Variants in MPHOSPH6 observed in about 807,000 individuals in gnomAD.
The protein encoded by MPHOSPH6 is M-phase phosphoprotein 6.
In MPHOSPH6, 25 loss-of-function variants were observed where a neutral mutation model predicts 21.8. The observed-to-expected ratio is 1.15, with a 90% CI of 0.83 to 1.60. The LOEUF (loss-of-function observed/expected upper bound fraction) is 1.60. MPHOSPH6 is among the 40% of genes most tolerant of loss of function. The pLI is 0.00. For synonymous variants in MPHOSPH6, 84 were observed against 56.5 expected (o/e 1.49, Z -2.18); for missense variants, 269 against 181.8 (o/e 1.48, Z -2.76).
chr16:82,150,432 T>C (rs6564986), intron 3 of MPHOSPH6, among the ~76,000 whole-genome samples: 6,818 of 152,206 alleles, frequency 0.045, 520 homozygotes, highest in African/African-American at 0.15. Flanking sequence ...ACTTCTAACA[T>C]AACACCTTAA....
At chr16:82,161,123 G>A (rs549316837) in intron 2 of MPHOSPH6, among the ~76,000 whole-genome samples, 2 of 152,310 alleles carry the variant, frequency 1.3e-5, no homozygotes, top group South Asian at 2.1e-4. Flanking sequence ...GGTTCAACCA[G>A]TTCTTCGGTA....
chr16:82,153,643 A>G (rs1906338549), intron 2 of MPHOSPH6, among the ~76,000 whole-genome samples: 1 of 152,228 alleles, frequency 6.6e-6, no homozygotes, highest in African/African-American at 2.4e-5. Context: ...CAGGACCTGC[A>G]TACTGGGTTC....
intron 2 of MPHOSPH6, among the ~76,000 whole-genome samples, chr16:82,158,468 C>T (rs570653704): frequency 7.2e-6 from 1 of 138,794 alleles, no homozygotes; most frequent in Non-Finnish European, 1.5e-5. Context: ...CACTGCACTC[C>T]AGCCTGGGTG....
chr16:82,163,994 T>G (rs574136064), intron 2 of MPHOSPH6, 88 bp downstream of exon 2: 160 of 818,824 alleles, frequency 2.0e-4, no homozygotes, highest in Non-Finnish European at 2.9e-4. Flanking sequence ...TTCATGGGCT[T>G]TATGTCACCG....
At chr16:82,169,739 C>G (rs534602466) in intron 1 of MPHOSPH6, among the ~76,000 whole-genome samples, 1 of 152,212 alleles carries the variant, frequency 6.6e-6, no homozygotes, top group East Asian at 1.9e-4. Context: ...GTGAATTTAC[C>G]TAAATTACCC....
chr16:82,163,888 G>T (rs960713443), intron 2 of MPHOSPH6, 194 bp downstream of exon 2: 1 of 497,964 alleles, frequency 2.0e-6, no homozygotes, highest in Non-Finnish European at 3.5e-6. Flanking sequence ...GTGGCTGGGA[G>T]GGGGAGTAGT....
intron 2 of MPHOSPH6, among the ~76,000 whole-genome samples, chr16:82,160,403 C>G (rs1205187229): frequency 6.6e-6 from 1 of 152,144 alleles, no homozygotes; most frequent in Non-Finnish European, 1.5e-5. Flanking sequence ...AGTTAGAAAA[C>G]CCTTCTCAGT....
rs1246804563 is a variant in MPHOSPH6 at position 82,148,861 on chromosome 16, T to C, written c.353A>G (p.Tyr118Cys). The change falls in exon 5 of 5, where the codon TAT becomes TGT. Residue 118 changes from tyrosine (Y) to cysteine (C), a missense_variant and splice_region_variant. Coordinates refer to ENST00000258169, the MANE Select transcript of MPHOSPH6 (RefSeq NM_005792.2). ...DVSDEEMARR[Y>C]ETLVGTIGKK... ...CCCAATTGTCCCCACCAAGGTCTCATATCTGTCAAGAGGACAGGCAGCACA... is the reference window on the plus strand; with the variant it reads ...CCCAATTGTCCCCACCAAGGTCTCACATCTGTCAAGAGGACAGGCAGCACA... 12 of 1,614,022 alleles carry C rather than the reference T, an allele frequency of 7.4e-6. No homozygotes were observed. In the South Asian group the frequency reaches 8.8e-5, roughly 12 times the overall value.
chr16:82,148,715 G>A lies in MPHOSPH6; in HGVS notation c.*16C>T, dbSNP rs985735651. ...TTCCACCAAGCACCCCTGGGCCATCGCTTAAGGCATCCATCTTAATCCTGG... is the reference window on the plus strand; with the variant it reads ...TTCCACCAAGCACCCCTGGGCCATCACTTAAGGCATCCATCTTAATCCTGG... On this transcript the variant is annotated 3_prime_UTR_variant, in exon 5 of 5. Coordinates refer to ENST00000258169, the MANE Select transcript of MPHOSPH6 (RefSeq NM_005792.2). 9.3e-6 allele frequency: 15 copies of A among 1,613,276 alleles called. No individual in the cohort carries two copies. The highest frequency in any genetic ancestry group is 2.2e-5 in the South Asian group (2 of 91,038).
intron 3 of MPHOSPH6, among the ~76,000 whole-genome samples, chr16:82,149,842 AG>A (rs1448050545): frequency 2.0e-5 from 3 of 152,030 alleles, no homozygotes; most frequent in African/African-American, 7.2e-5. Context: ...TGGTGAGTGG[AG>A]GAGGTGGGAG....
At chr16:82,154,685 GA>G (rs559528666) in intron 2 of MPHOSPH6, among the ~76,000 whole-genome samples, 2 of 149,304 alleles carry the variant, frequency 1.3e-5, no homozygotes, top group African/African-American at 2.5e-5. Flanking sequence ...TTATATAACT[GA>G]AAAAAAAACT....
At position 82,151,642 on chromosome 16, in the gene MPHOSPH6, T is replaced by C. The variant is rs1906269211; in HGVS notation, c.165-128A>G. ...AATGAAGTAAAAATACAGTAAGATT[T>C]CTAACTTAGGGTTAAAAATAAAATC... On this transcript the variant is annotated intron_variant, in intron 2 of 4. Coordinates refer to ENST00000258169, the MANE Select transcript of MPHOSPH6 (RefSeq NM_005792.2). The C allele has an allele frequency of 2.3e-6, 3 of 1,279,136 alleles. No homozygotes were observed. In the Admixed American group the frequency reaches 1.1e-4, roughly 45 times the overall value. 79.2% of individuals were successfully genotyped at this position (1,279,136 alleles called of 1,614,324 possible).
intron 2 of MPHOSPH6, among the ~76,000 whole-genome samples, chr16:82,162,648 G>A (rs754030929): frequency 1.4e-4 from 22 of 152,186 alleles, no homozygotes; most frequent in Non-Finnish European, 1.9e-4. Flanking sequence ...CATGCTAGGA[G>A]GTGCTGCACT....
At chr16:82,153,330 T>C (rs11642251) in intron 2 of MPHOSPH6, among the ~76,000 whole-genome samples, 21,427 of 152,078 alleles carry the variant, frequency 0.14, 2,216 homozygotes, top group Admixed American at 0.34. Flanking sequence ...CAGGACAAAA[T>C]ATAAAATGAC....
Position 82,148,505 on chromosome 16 carries a change from T to A in MPHOSPH6, c.*226A>T. The A allele has an allele frequency of 2.2e-6, 1 of 463,918 alleles. No individual in the cohort carries two copies. The highest frequency in any genetic ancestry group is 3.9e-5 in the Admixed American group (1 of 25,614). 28.7% of individuals were successfully genotyped at this position (463,918 alleles called of 1,614,324 possible). A position where few individuals can be genotyped will look rare whatever the true frequency, so the allele number is the denominator to read the frequency against. ...GGAAGCAGCCCTGTAACAATGTACA[T>A]TTGTAGATCAGGGGCTAAAAATCCA... On this transcript the variant is annotated 3_prime_UTR_variant, in exon 5 of 5. Coordinates refer to ENST00000258169, the MANE Select transcript of MPHOSPH6 (RefSeq NM_005792.2).
chr16:82,148,937 G>C (rs1433054531), intron 4 of MPHOSPH6, 74 bp from the exon 5 acceptor site: 2 of 1,512,482 alleles, frequency 1.3e-6, no homozygotes, highest in Non-Finnish European at 1.8e-6. Context: ...AAGAATATCA[G>C]ACCAAATATG....
chr16:82,148,579 T>C lies in MPHOSPH6; in HGVS notation c.*152A>G. 1.0e-6 allele frequency: 1 copy of C among 976,132 alleles called. No individual in the cohort carries two copies. Among genetic ancestry groups the C allele is most frequent in the South Asian group, 2.3e-5 (1 of 44,362 alleles). 60.5% of individuals were successfully genotyped at this position (976,132 alleles called of 1,614,324 possible). Reference sequence around the variant, plus strand: ...AAGGATGTACAACATCCATCACACATCTGTTTCAAAAACAGCATGTTTCTA... The same window carrying C: ...AAGGATGTACAACATCCATCACACACCTGTTTCAAAAACAGCATGTTTCTA... On this transcript the variant is annotated 3_prime_UTR_variant, in exon 5 of 5. Coordinates refer to ENST00000258169, the MANE Select transcript of MPHOSPH6 (RefSeq NM_005792.2).
intron 1 of MPHOSPH6, among the ~76,000 whole-genome samples, chr16:82,169,268 G>A (rs1597167221): frequency 6.6e-6 from 1 of 152,166 alleles, no homozygotes; most frequent in East Asian, 1.9e-4. Context: ...TTGCCTTCCA[G>A]ACATACTGAA....
chr16:82,167,093 TGAGTA>T (rs113632193), intron 1 of MPHOSPH6, among the ~76,000 whole-genome samples: 9,600 of 152,220 alleles, frequency 0.063, 541 homozygotes, highest in African/African-American at 0.14. Flanking sequence ...CTGGCAGAGC[TGAGTA>T]GTTGTAACAG....
Sources: gnomAD v4.1 joint callset for allele counts (sites outside exome capture counted in the v4.1 genomes callset) on GRCh38, gnomAD v4.1.1 for gene constraint, MANE v1.5 for transcripts, NCBI Gene and HGNC (gene_info 2026-07-23, HGNC 2026-07-21) for gene names.